The following GABRG3 variants were observed in gnomAD, a reference collection of about 807,000 sequenced individuals.
The protein encoded by GABRG3 is gamma-aminobutyric acid receptor subunit gamma-3.
In GABRG3, 25 loss-of-function variants were observed where a neutral mutation model predicts 48.8. That is an observed-to-expected ratio of 0.51 (90% confidence interval 0.37 to 0.72). The LOEUF (loss-of-function observed/expected upper bound fraction) is 0.72, where lower values mean the gene tolerates loss of function less well. Ranked by LOEUF, GABRG3 falls within the 30% of genes least tolerant of loss-of-function variation. The pLI is 0.00. For synonymous variants in GABRG3, 227 were observed against 217.6 expected (o/e 1.04, Z -0.38); for missense variants, 394 against 577.9 (o/e 0.68, Z 3.26).
intron 5 of GABRG3, chr15:27,350,090 C>G (rs1228300149): frequency 4.4e-6 from 2 of 455,882 alleles, no homozygotes; most frequent in Non-Finnish European, 8.8e-6. Context: ...TAAATTGTCA[C>G]TCTTATCACG....
At chr15:27,092,880 C>T (rs1897213348) in intron 3 of GABRG3, among the ~76,000 whole-genome samples, 1 of 151,978 alleles carries the variant, frequency 6.6e-6, no homozygotes, top group Non-Finnish European at 1.5e-5. Flanking sequence ...TTACCAGTAT[C>T]TCCATCCACA....
chr15:27,296,727 A>G (rs1003787388), intron 3 of GABRG3, among the ~76,000 whole-genome samples: 4 of 152,356 alleles, frequency 2.6e-5, no homozygotes, highest in African/African-American at 9.6e-5. Context: ...CTATAAAAGT[A>G]TAGCTCGGGC....
chr15:27,420,927 T>C (rs1301155510), intron 5 of GABRG3, among the ~76,000 whole-genome samples: 1 of 152,262 alleles, frequency 6.6e-6, no homozygotes, highest in Admixed American at 6.5e-5. Flanking sequence ...ATTTGACACC[T>C]TCTTACACTC....
chr15:27,472,193 T>C (rs1889807108), intron 5 of GABRG3, among the ~76,000 whole-genome samples: 2 of 152,178 alleles, frequency 1.3e-5, no homozygotes, highest in African/African-American at 2.4e-5. Flanking sequence ...CTGGGTATTT[T>C]ATGATAATTT....
chr15:27,307,754 A>G (rs1305576594), intron 3 of GABRG3, among the ~76,000 whole-genome samples: 1 of 122,438 alleles, frequency 8.2e-6, no homozygotes, highest in East Asian at 2.5e-4. Flanking sequence ...TTTATATATA[A>G]ACATATAAAA....
intron 5 of GABRG3, among the ~76,000 whole-genome samples, chr15:27,367,069 A>G (rs535968320): frequency 6.6e-6 from 1 of 152,254 alleles, no homozygotes; most frequent in Admixed American, 6.5e-5. Flanking sequence ...ATGAGGACTA[A>G]GCATCCTCAC....
intron 3 of GABRG3, among the ~76,000 whole-genome samples, chr15:27,243,521 T>G (rs931251200): frequency 6.6e-6 from 1 of 152,034 alleles, no homozygotes; most frequent in Non-Finnish European, 1.5e-5. Flanking sequence ...GGGGGCATAT[T>G]TGGCTTCCTG....
Position 27,256,389 on chromosome 15 carries a change from C to A in GABRG3, c.271-70420C>A, listed in dbSNP as rs528892548. ...CCGGGAGGCAGTGCTTGCAGTGAGC[C>A]GAGATGGCGCCACTGCACTCCAGCC... On this transcript the variant is annotated intron_variant, in intron 3 of 9. Coordinates refer to ENST00000615808, the MANE Select transcript of GABRG3 (RefSeq NM_033223.5). 1.6e-4 allele frequency among the ~76,000 whole-genome samples: 24 copies of A among 148,204 alleles called. No homozygotes were observed. In the East Asian group the frequency reaches 4.8e-3, roughly 30 times the overall value.
intron 5 of GABRG3, among the ~76,000 whole-genome samples, chr15:27,409,455 A>G (rs1230396569): frequency 1.3e-5 from 2 of 152,100 alleles, no homozygotes; most frequent in East Asian, 3.9e-4. Flanking sequence ...TGATCTGTGT[A>G]TGTACCCTCC....
intron 5 of GABRG3, among the ~76,000 whole-genome samples, chr15:27,454,700 G>A (rs1226439351): frequency 6.6e-6 from 1 of 152,186 alleles, no homozygotes; most frequent in Non-Finnish European, 1.5e-5. Flanking sequence ...AGCAGCTACT[G>A]TATTATGATG....
chr15:27,404,545 G>A (rs1887576192), intron 5 of GABRG3, among the ~76,000 whole-genome samples: 1 of 152,174 alleles, frequency 6.6e-6, no homozygotes, highest in African/African-American at 2.4e-5. Flanking sequence ...GCCCGGCCTG[G>A]TCTGGGAGGG....
In GABRG3 at chr15:27,180,131, C is replaced by T. The variant is rs1887880734; in HGVS notation, c.271-146678C>T. On this transcript the variant is annotated intron_variant, in intron 3 of 9. Coordinates refer to ENST00000615808, the MANE Select transcript of GABRG3 (RefSeq NM_033223.5). The surrounding 1 kb of genome is among the most constrained non-coding windows in gnomAD (Gnocchi z 4.2). ...CACTTGTTTTACCAATCACAGAGCTCACAAAGAAGTTGTCCAGGCCCGGGG... is the reference window on the plus strand; with the variant it reads ...CACTTGTTTTACCAATCACAGAGCTTACAAAGAAGTTGTCCAGGCCCGGGG... 6.6e-6 allele frequency among the ~76,000 whole-genome samples: 1 copy of T among 152,112 alleles called. No individual in the cohort carries two copies.
intron 5 of GABRG3, among the ~76,000 whole-genome samples, chr15:27,445,332 T>A (rs916102892): frequency 3.9e-5 from 6 of 152,214 alleles, no homozygotes; most frequent in African/African-American, 1.2e-4. Context: ...TTTATCCACC[T>A]CCTCATGAGC....
chr15:27,141,243 A>G (rs1371847451), intron 3 of GABRG3, among the ~76,000 whole-genome samples: 1 of 152,170 alleles, frequency 6.6e-6, no homozygotes, highest in Non-Finnish European at 1.5e-5. Context: ...ATTTGCTTTG[A>G]TCTGAAAAGA....
intron 5 of GABRG3, among the ~76,000 whole-genome samples, chr15:27,385,167 C>T (rs1353506947): frequency 9.6e-6 from 1 of 104,276 alleles, no homozygotes; most frequent in East Asian, 3.1e-4. Flanking sequence ...TAGCAAAACA[C>T]TTTCTCAGGA....
intron 3 of GABRG3, among the ~76,000 whole-genome samples, chr15:27,086,107 G>A (rs542909026): frequency 1.1e-3 from 159 of 145,584 alleles, no homozygotes; most frequent in Non-Finnish European, 1.9e-3. Flanking sequence ...ACCTTTTGGA[G>A]TTTTGGCAGT....
chr15:27,503,963 T>C (rs1890703165), intron 6 of GABRG3, among the ~76,000 whole-genome samples: 1 of 152,212 alleles, frequency 6.6e-6, no homozygotes, highest in Non-Finnish European at 1.5e-5. Flanking sequence ...CTTTAAAATC[T>C]ACTTCCAGAT....
intron 5 of GABRG3, among the ~76,000 whole-genome samples, chr15:27,458,440 A>C (rs964051299): frequency 6.6e-6 from 1 of 152,186 alleles, no homozygotes. Context: ...AATTTAATAC[A>C]GCCTTGGTTA....
rs1889316563 is a variant in GABRG3 at position 27,457,401 on chromosome 15, C to CGGTA, written c.575-23249_575-23248insGGTA. ...CTTCAGACCTACATCCATCCAAAGG[C>CGGTA]TACCTGTTCCTTTTTTCTTTCATCC... On this transcript the variant is annotated intron_variant, in intron 5 of 9. Coordinates refer to ENST00000615808, the MANE Select transcript of GABRG3 (RefSeq NM_033223.5). The surrounding 1 kb of genome is among the most constrained non-coding windows in gnomAD (Gnocchi z 4.4). Among the ~76,000 whole-genome samples, 1 of 152,202 alleles carries CGGTA rather than the reference C, an allele frequency of 6.6e-6. No homozygotes were observed. Among genetic ancestry groups the CGGTA allele is most frequent in the Non-Finnish European group, 1.5e-5 (1 of 68,048 alleles).
Sources: gnomAD v4.1 joint callset for allele counts (sites outside exome capture counted in the v4.1 genomes callset) on GRCh38, gnomAD v4.1.1 for gene constraint, Gnocchi (gnomAD v3.1) non-coding constraint, MANE v1.5 for transcripts, NCBI Gene and HGNC (gene_info 2026-07-23, HGNC 2026-07-21) for gene names.